LHFPL3: variants seen among roughly 807,000 people sequenced by gnomAD.
LHFPL3 encodes LHFPL tetraspan subfamily member 3 protein.
Under a neutral mutation model 19.3 loss-of-function variants are expected in LHFPL3, and 5 were observed. The ratio of observed to expected loss-of-function variants is 0.26; its 90% CI spans 0.14 to 0.54. The LOEUF is 0.54. Ranked by LOEUF, LHFPL3 falls within the 20% of genes least tolerant of loss-of-function variation. The probability of loss-of-function intolerance (pLI) is 0.94; values close to 1 mark genes in which losing one functional copy is unlikely to be tolerated. For missense variants in LHFPL3, 249 were observed against 307.4 expected (o/e 0.81, Z 1.42); for synonymous variants, 133 against 126.2 (o/e 1.05, Z -0.36).
rs150342551 is a variant in LHFPL3, at chr7:104,741,048, C to T, written c.682+4137C>T. ...AGATGAAAGGGAATACAAGATGCTG[C>T]TGAACCATAAATTAATCGTCACAAA... On this transcript the variant is annotated intron_variant, in intron 2 of 2. Coordinates refer to ENST00000424859, the MANE Select transcript of LHFPL3 (RefSeq NM_199000.3). 2.2e-3 allele frequency among the ~76,000 whole-genome samples: 336 copies of T among 152,266 alleles called. 1 individual carries two copies. The highest frequency in any genetic ancestry group is 7.4e-3 in the African/African-American group (309 of 41,556).
In LHFPL3 at chr7:104,590,437, T is replaced by C. The variant is rs567200167; in HGVS notation, c.446-146238T>C. 3.3e-5 allele frequency among the ~76,000 whole-genome samples: 5 copies of C among 152,378 alleles called. No individual in the cohort carries two copies. The South Asian group carries it at 1.0e-3, about 32-fold the overall frequency. On this transcript the variant is annotated intron_variant, in intron 1 of 2. Transcript: ENST00000424859. ...GTTGAGCGGTTTTGAGTGAGTTTCT[T>C]AATCCTGAGTTCTAGTTTGATTGCA... is the stretch of plus-strand genomic sequence containing the variant.
chr7:104,461,393 A>C (rs139062723), intron 1 of LHFPL3, among the ~76,000 whole-genome samples: 150 of 152,276 alleles, frequency 9.9e-4, no homozygotes, highest in African/African-American at 3.3e-3. Context: ...TGGTGTAAGG[A>C]AGGGGTCCAA....
intron 1 of LHFPL3, among the ~76,000 whole-genome samples, chr7:104,687,014 G>T (rs1792818902): frequency 6.6e-6 from 1 of 152,030 alleles, no homozygotes; most frequent in South Asian, 2.1e-4. Context: ...CTCCTACAAG[G>T]TCCCTCCCCC....
intron 2 of LHFPL3, among the ~76,000 whole-genome samples, chr7:104,878,127 G>A (rs1422584614): frequency 6.6e-6 from 1 of 152,144 alleles, no homozygotes; most frequent in East Asian, 1.9e-4. Context: ...GAGCCACCGT[G>A]CCTGGCCTAT....
chr7:104,791,034 AT>A lies in LHFPL3; in HGVS notation c.682+54125del, dbSNP rs1168146089. ...TCTTCCACAAACTTTAGTCTTTAAC[AT>A]TGTTTTTCTATGGTTAATATTCTAG... is the stretch of plus-strand genomic sequence containing the variant. On this transcript the variant is annotated intron_variant, in intron 2 of 2. Transcript: ENST00000424859. Among the ~76,000 whole-genome samples, 7 of 152,288 alleles carry A rather than the reference AT, an allele frequency of 4.6e-5. No homozygotes were observed. In the East Asian group the frequency reaches 1.3e-3, roughly 29 times the overall value.
At chr7:104,874,421 G>A (rs1199358720) in intron 2 of LHFPL3, among the ~76,000 whole-genome samples, 1 of 144,822 alleles carries the variant, frequency 6.9e-6, no homozygotes, top group African/African-American at 2.6e-5. Context: ...GGGGGACAGA[G>A]TCTCGTTCTG....
chr7:104,734,901 G>A (rs1401795409), intron 1 of LHFPL3, among the ~76,000 whole-genome samples: 2 of 152,176 alleles, frequency 1.3e-5, no homozygotes, highest in African/African-American at 2.4e-5. Context: ...GTTTTGGTGT[G>A]GATGGCCTTT....
chr7:104,837,011 G>A (rs1250110190), intron 2 of LHFPL3, among the ~76,000 whole-genome samples: 2 of 152,164 alleles, frequency 1.3e-5, no homozygotes, highest in Admixed American at 6.5e-5. Flanking sequence ...GAAGATCTCC[G>A]TTCCATTAGG....
chr7:104,360,693 CCGTGTGTGTG>C (rs1188189319), intron 1 of LHFPL3, among the ~76,000 whole-genome samples: 2 of 97,318 alleles, frequency 2.1e-5, no homozygotes, highest in Non-Finnish European at 4.2e-5. Context: ...AAAAGTGCTT[CCGTGTGTGTG>C]TGTGTGTGTG....
intron 1 of LHFPL3, among the ~76,000 whole-genome samples, chr7:104,718,871 C>T (rs2116240322): frequency 6.6e-6 from 1 of 152,174 alleles, no homozygotes; most frequent in East Asian, 1.9e-4. Flanking sequence ...GCAGGATAAC[C>T]ACTGGTCTGT....
chr7:104,808,890 CTTTT>C lies in LHFPL3; in HGVS notation c.682+72001_682+72004del, dbSNP rs151212974. Among the ~76,000 whole-genome samples the C allele has an allele frequency of 4.8e-3, 370 of 77,212 alleles. 2 individuals are homozygous for C. The highest frequency in any genetic ancestry group is 0.019 in the African/African-American group (334 of 17,898). 50.7% of individuals were successfully genotyped at this position (77,212 alleles called of 152,430 possible). A position where few individuals can be genotyped will look rare whatever the true frequency, so the allele number is the denominator to read the frequency against. ...ACCCCAACACCATAGATGATAGATC[CTTTT>C]TTTTTTTTTTTTTTTTTTTTTAGGT... On this transcript the variant is annotated intron_variant, in intron 2 of 2. Coordinates refer to ENST00000424859, the MANE Select transcript of LHFPL3 (RefSeq NM_199000.3).
At chr7:104,418,949 A>G (rs1308273039) in intron 1 of LHFPL3, among the ~76,000 whole-genome samples, 1 of 152,236 alleles carries the variant, frequency 6.6e-6, no homozygotes, top group African/African-American at 2.4e-5. Flanking sequence ...ACAAGTACCA[A>G]TTATTGCTTC....
chr7:104,871,742 T>A (rs896236876), intron 2 of LHFPL3, among the ~76,000 whole-genome samples: 6 of 152,054 alleles, frequency 3.9e-5, no homozygotes, highest in Non-Finnish European at 1.5e-5. Flanking sequence ...CACTGCAACC[T>A]CCACCTCCCA....
At chr7:104,518,017 A>AT (rs1793955690) in intron 1 of LHFPL3, among the ~76,000 whole-genome samples, 2 of 152,132 alleles carry the variant, frequency 1.3e-5, no homozygotes, top group South Asian at 4.1e-4. Flanking sequence ...AAGTATAATA[A>AT]TTCAAAAAAA....
At chr7:104,818,864 TTAAC>T (rs1336730570) in intron 2 of LHFPL3, among the ~76,000 whole-genome samples, 1 of 152,146 alleles carries the variant, frequency 6.6e-6, no homozygotes, top group African/African-American at 2.4e-5. Flanking sequence ...GATTTAATCT[TTAAC>T]TATTTGCTTG....
At chr7:104,567,551 A>T (rs76236897) in intron 1 of LHFPL3, among the ~76,000 whole-genome samples, 6,599 of 152,340 alleles carry the variant, frequency 0.043, 441 homozygotes, top group African/African-American at 0.15. Flanking sequence ...AGTAGGATAA[A>T]GGCATTCCTC....
chr7:104,480,224 G>A (rs537618036), intron 1 of LHFPL3, among the ~76,000 whole-genome samples: 34 of 152,226 alleles, frequency 2.2e-4, no homozygotes, highest in Non-Finnish European at 4.4e-4. Context: ...CTGTAAATGG[G>A]GATAGTGATT....
At chr7:104,616,215 T>A (rs569240877) in intron 1 of LHFPL3, among the ~76,000 whole-genome samples, 61 of 152,290 alleles carry the variant, frequency 4.0e-4, no homozygotes, top group African/African-American at 1.1e-3. Context: ...GCTGGAGGCA[T>A]CATACTACCT....
intron 1 of LHFPL3, among the ~76,000 whole-genome samples, chr7:104,463,801 G>A (rs1423077060): frequency 6.6e-6 from 1 of 152,172 alleles, no homozygotes; most frequent in Non-Finnish European, 1.5e-5. Flanking sequence ...TGGGGATTAT[G>A]GGAACTACAA....
Sources: allele counts gnomAD v4.1 joint callset (sites outside exome capture counted in the v4.1 genomes callset), GRCh38; gene constraint gnomAD v4.1.1; transcripts MANE v1.5; gene names NCBI Gene and HGNC (gene_info 2026-07-23, HGNC 2026-07-21).